The following ZNF678 variants were observed in gnomAD, a reference collection of about 807,000 sequenced individuals.
ZNF678 encodes hypothetical protein MGC42493.
A neutral mutation model predicts 3.0 loss-of-function variants in ZNF678; 5 were observed. That is an observed-to-expected ratio of 1.69 (90% CI 0.88 to 3.56). The LOEUF (loss-of-function observed/expected upper bound fraction) is 3.56, where lower values mean the gene tolerates loss of function less well. Ranked by LOEUF, ZNF678 falls within the 30% of genes most tolerant of loss-of-function variation. The pLI is 0.00. For synonymous variants in ZNF678, 218 were observed against 199.6 expected (o/e 1.09, Z -0.78); for missense variants, 593 against 605.0 (o/e 0.98, Z 0.21).
chr1:227,635,533 G>A (rs1471421793), intron 1 of ZNF678, among the ~76,000 whole-genome samples: 1 of 149,122 alleles, frequency 6.7e-6, no homozygotes, highest in Non-Finnish European at 1.5e-5. Context: ...GTGTGTGTGT[G>A]TGTGTGTGTG....
chr1:227,664,702 T>A (rs1305903656), downstream of ZNF678, among the ~76,000 whole-genome samples: 3 of 152,094 alleles, frequency 2.0e-5, no homozygotes, highest in Non-Finnish European at 1.5e-5. Flanking sequence ...ACTGGGGCTG[T>A]CTCTAGAATG....
chr1:227,565,786 G>A (rs1194023487), intron 1 of ZNF678, among the ~76,000 whole-genome samples: 4 of 152,122 alleles, frequency 2.6e-5, no homozygotes, highest in Non-Finnish European at 5.9e-5. Flanking sequence ...TTGAGACGGA[G>A]TCTCGCTCTG....
intron 5 of ZNF678, among the ~76,000 whole-genome samples, chr1:227,669,471 C>G (rs1659562775): frequency 7.0e-6 from 1 of 142,516 alleles, no homozygotes; most frequent in African/African-American, 2.8e-5. Context: ...CCCGTCTCTA[C>G]TAAAAATATA....
chr1:227,563,562 C>A lies in ZNF678; in HGVS notation c.-326C>A. ...TTCCGGGATCTGGCGGGGCCTTTGT[C>A]TTGTGCTCCAGCTGGAGCTTTGGTC... On this transcript the variant is annotated 5_prime_UTR_variant, in exon 1 of 4. Transcript: ENST00000343776. 1.4e-6 allele frequency: 1 copy of A among 717,826 alleles called. No homozygotes were observed. Among genetic ancestry groups the A allele is most frequent in the Non-Finnish European group, 2.2e-6 (1 of 455,392 alleles). 44.5% of individuals were successfully genotyped at this position (717,826 alleles called of 1,614,324 possible). A position where few individuals can be genotyped will look rare whatever the true frequency, so the allele number is the denominator to read the frequency against.
chr1:227,616,052 A>G (rs1478579512), intron 1 of ZNF678, among the ~76,000 whole-genome samples: 2 of 152,178 alleles, frequency 1.3e-5, no homozygotes, highest in Non-Finnish European at 2.9e-5. Flanking sequence ...GTGCCCTTCT[A>G]GAGGATACTC....
At chr1:227,644,045 A>G (rs1387834041) in intron 1 of ZNF678, among the ~76,000 whole-genome samples, 1 of 151,516 alleles carries the variant, frequency 6.6e-6, no homozygotes, top group Non-Finnish European at 1.5e-5. Flanking sequence ...TTGTATTTTT[A>G]GTAGAGGCGG....
intron 1 of ZNF678, among the ~76,000 whole-genome samples, chr1:227,623,190 A>G (rs943661144): frequency 6.6e-6 from 1 of 152,252 alleles, no homozygotes; most frequent in Admixed American, 6.5e-5. Flanking sequence ...CTTCACCACT[A>G]TATTCCCAAT....
chr1:227,587,159 T>G (rs1657282726), intron 1 of ZNF678, among the ~76,000 whole-genome samples: 1 of 152,202 alleles, frequency 6.6e-6, no homozygotes, highest in Admixed American at 6.5e-5. Flanking sequence ...GTGTGTGATG[T>G]TTGCCAGAAT....
At chr1:227,587,973 T>C (rs1283421817) in intron 1 of ZNF678, among the ~76,000 whole-genome samples, 3 of 152,084 alleles carry the variant, frequency 2.0e-5, no homozygotes, top group African/African-American at 7.2e-5. Flanking sequence ...TTCTTTCTGA[T>C]GTTTTCCCTC....
rs1435476827 is a variant in ZNF678, at chr1:227,657,559, A to G, written c.*1731A>G. On this transcript the variant is annotated 3_prime_UTR_variant, in exon 4 of 4. Coordinates refer to ENST00000343776, the MANE Select transcript of ZNF678 (RefSeq NM_001367909.1). ...AAAGGCCATGTATTTTGAATCACGAATGACTATTTACAAAATGTCATACTA... is the reference window on the plus strand; with the variant it reads ...AAAGGCCATGTATTTTGAATCACGAGTGACTATTTACAAAATGTCATACTA... The G allele has an allele frequency of 1.3e-5, 2 of 151,942 alleles. No homozygotes were observed. Among genetic ancestry groups the G allele is most frequent in the African/African-American group, 4.8e-5 (2 of 41,410 alleles). 9.4% of individuals were successfully genotyped at this position (151,942 alleles called of 1,614,324 possible).
intron 1 of ZNF678, among the ~76,000 whole-genome samples, chr1:227,609,235 TA>T (rs1657954733): frequency 6.6e-6 from 1 of 151,568 alleles, no homozygotes; most frequent in Admixed American, 6.6e-5. Flanking sequence ...CATTAATGCA[TA>T]AAGATCAAGG....
In ZNF678 at chr1:227,563,643, G is replaced by T; in HGVS notation, c.-245G>T. The stretch of plus-strand genomic sequence containing the variant: ...GGGAGGCCCTGGTGACTCTGCTGCT[G>T]CAGTGTCTGGTTTCCCTGTGACCTG... On this transcript the variant is annotated 5_prime_UTR_variant, in exon 1 of 4. Transcript: ENST00000343776. 3 of 1,305,834 alleles carry T rather than the reference G, an allele frequency of 2.3e-6. No homozygotes were observed. The highest frequency in any genetic ancestry group is 2.0e-6 in the Non-Finnish European group (2 of 985,986). The allele number at this position is 1,305,834 out of a possible 1,614,324, so 80.9% of individuals were successfully genotyped here. A position where few individuals can be genotyped will look rare whatever the true frequency, so the allele number is the denominator to read the frequency against.
intron 1 of ZNF678, among the ~76,000 whole-genome samples, chr1:227,565,720 G>A (rs1656664917): frequency 6.6e-6 from 1 of 152,114 alleles, no homozygotes; most frequent in Admixed American, 6.5e-5. Context: ...TGAAAACTTT[G>A]GAAACTTTAC....
intron 1 of ZNF678, among the ~76,000 whole-genome samples, chr1:227,613,729 A>G (rs1658078823): frequency 6.6e-6 from 1 of 152,158 alleles, no homozygotes; most frequent in South Asian, 2.1e-4. Flanking sequence ...AGCCTGTGCA[A>G]ACCCCTCCCA....
chr1:227,565,927 A>AT (rs1295268858), intron 1 of ZNF678, among the ~76,000 whole-genome samples: 3 of 151,868 alleles, frequency 2.0e-5, no homozygotes, highest in African/African-American at 7.3e-5. Context: ...CGGCTAGCTA[A>AT]TTTTTTTGTA....
rs1026713345 is a variant in ZNF678 at position 227,638,783 on chromosome 1, G to C, written c.-163-7761G>C. Among the ~76,000 whole-genome samples the C allele has an allele frequency of 1.3e-5, 2 of 152,090 alleles. No individual in the cohort carries two copies. Among genetic ancestry groups the C allele is most frequent in the Non-Finnish European group, 2.9e-5 (2 of 68,020 alleles). ...TAAGAAAGAGTGAGTGAAGGAAAAG[G>C]TTACGTGTAGGGAGCAGAAGAGTGG... On this transcript the variant is annotated intron_variant, in intron 1 of 3. Transcript: ENST00000343776. This position sits in a 1 kb window ranked among gnomAD's most constrained non-coding sequence, Gnocchi z 4.2.
intron 1 of ZNF678, among the ~76,000 whole-genome samples, chr1:227,571,405 A>G (rs190748949): frequency 6.6e-6 from 1 of 152,292 alleles, no homozygotes; most frequent in East Asian, 1.9e-4. Context: ...TGTTGACTGT[A>G]TTTTTATTTT....
intron 1 of ZNF678, among the ~76,000 whole-genome samples, chr1:227,604,242 G>A (rs896895875): frequency 1.3e-5 from 2 of 152,156 alleles, no homozygotes; most frequent in African/African-American, 4.8e-5. Context: ...TAAACATTTC[G>A]AGAAACTACC....
intron 5 of ZNF678, among the ~76,000 whole-genome samples, chr1:227,667,533 G>T (rs975667315): frequency 6.6e-6 from 1 of 152,158 alleles, no homozygotes; most frequent in Non-Finnish European, 1.5e-5. Context: ...GAGAAGACGA[G>T]GAGATTGGTG....
Sources: gnomAD v4.1 joint callset for allele counts (sites outside exome capture counted in the v4.1 genomes callset) on GRCh38, gnomAD v4.1.1 for gene constraint, Gnocchi (gnomAD v3.1) non-coding constraint, MANE v1.5 for transcripts, NCBI Gene and HGNC (gene_info 2026-07-23, HGNC 2026-07-21) for gene names.